Variants in TNRC6A observed in about 807,000 individuals in gnomAD.
TNRC6A encodes the protein trinucleotide repeat containing adaptor 6A, also known as trinucleotide repeat-containing gene 6A protein.
Under a neutral mutation model 221.2 loss-of-function variants are expected in TNRC6A, and 44 were observed. The ratio of observed to expected loss-of-function variants is 0.20; its 90% CI spans 0.16 to 0.26. The LOEUF (loss-of-function observed/expected upper bound fraction) is 0.26, where lower values mean the gene tolerates loss of function less well. TNRC6A is among the 10% of genes least tolerant of loss of function. TNRC6A has a pLI of 1.00. For missense variants in TNRC6A, 2,199 were observed against 2,404.4 expected (o/e 0.91, Z 1.79); for synonymous variants, 847 against 838.5 (o/e 1.01, Z -0.18).
intron 5 of TNRC6A, among the ~76,000 whole-genome samples, chr16:24,778,919 A>T (rs2057782359): frequency 6.6e-6 from 1 of 152,220 alleles, no homozygotes; most frequent in Non-Finnish European, 1.5e-5. Flanking sequence ...ACAACAGATG[A>T]TGGAGTACCT....
intron 14 of TNRC6A, 89 bp from the exon 15 acceptor site, chr16:24,805,516 C>G: frequency 6.5e-7 from 1 of 1,529,062 alleles, no homozygotes; most frequent in East Asian, 2.3e-5. Flanking sequence ...ACAAATTTAA[C>G]TGCTCTATTG....
chr16:24,804,930 G>A, intron 13 of TNRC6A, 79 bp downstream of exon 13: 1 of 1,613,376 alleles, frequency 6.2e-7, no homozygotes. Context: ...TGTAGTTACT[G>A]TGTTTAAATC....
At chr16:24,675,340 C>G (rs979286054) in intron 2 of TNRC6A, among the ~76,000 whole-genome samples, 7 of 152,124 alleles carry the variant, frequency 4.6e-5, no homozygotes, top group African/African-American at 1.7e-4. Flanking sequence ...CCTGAATTTC[C>G]TAAGATTTCA....
upstream of TNRC6A, among the ~76,000 whole-genome samples, chr16:24,729,072 C>G (rs1221670359): frequency 6.6e-6 from 1 of 151,964 alleles, no homozygotes; most frequent in Non-Finnish European, 1.5e-5. Flanking sequence ...GAATTATTTC[C>G]TGAGCAGAAA....
At chr16:24,708,634 T>A (rs1053026752) in intron 2 of TNRC6A, among the ~76,000 whole-genome samples, 1 of 152,102 alleles carries the variant, frequency 6.6e-6, no homozygotes, top group Non-Finnish European at 1.5e-5. Context: ...TGTAGTCTTT[T>A]GTCTCTCACC....
chr16:24,730,215 GT>G, intron 1 of TNRC6A, 37 bp from the exon 2 acceptor site: 1 of 1,583,806 alleles, frequency 6.3e-7, no homozygotes. Context: ...TTGTGTGTGT[GT>G]TTTTGTTTTG....
At chr16:24,645,493 A>AAAAAAAC (rs935399245) in intron 2 of TNRC6A, among the ~76,000 whole-genome samples, 2 of 151,860 alleles carry the variant, frequency 1.3e-5, no homozygotes, top group Non-Finnish European at 2.9e-5. Flanking sequence ...CTGTCTCAAA[A>AAAAAAAC]AAAAAACAAA....
chr16:24,723,154 G>A (rs1386020884), intron 2 of TNRC6A, among the ~76,000 whole-genome samples: 1 of 152,148 alleles, frequency 6.6e-6, no homozygotes, highest in Non-Finnish European at 1.5e-5. Context: ...CTTCATTACA[G>A]TATCAGATTT....
chr16:24,752,238 A>G (rs1389068658), intron 3 of TNRC6A, among the ~76,000 whole-genome samples: 2 of 152,222 alleles, frequency 1.3e-5, no homozygotes, highest in Non-Finnish European at 2.9e-5. Flanking sequence ...TAAAGGATAT[A>G]GAGGGAGAGT....
intron 2 of TNRC6A, among the ~76,000 whole-genome samples, chr16:24,692,722 T>G (rs757452018): frequency 6.6e-6 from 1 of 151,704 alleles, no homozygotes; most frequent in Non-Finnish European, 1.5e-5. Flanking sequence ...TAAAAAAAAA[T>G]TATATATATA....
At position 24,730,376 on chromosome 16, in the gene TNRC6A, G is replaced by C. The variant is rs1240968701; in HGVS notation, c.53+76G>C. ...TACTCCGATTCGCCTTTTCTGGGTT[G>C]AGAAGTTCCCCCGTGACATTTTCTT... On this transcript the variant is annotated intron_variant, in intron 2 of 24. Coordinates refer to ENST00000395799, the MANE Select transcript of TNRC6A (RefSeq NM_014494.4). 3.3e-6 allele frequency: 5 copies of C among 1,526,718 alleles called. No individual in the cohort carries two copies. In the African/African-American group the frequency reaches 7.1e-5, roughly 22 times the overall value. 94.6% of individuals were successfully genotyped at this position (1,526,718 alleles called of 1,614,324 possible).
chr16:24,741,130 G>GTGCA (rs2056882475), intron 2 of TNRC6A, among the ~76,000 whole-genome samples: 1 of 152,000 alleles, frequency 6.6e-6, no homozygotes, highest in South Asian at 2.1e-4. Flanking sequence ...TCCAATTTTC[G>GTGCA]TGCATGCTTA....
At chr16:24,727,979 C>T (rs2056521188), upstream of TNRC6A, among the ~76,000 whole-genome samples, 1 of 151,030 alleles carries the variant, frequency 6.6e-6, no homozygotes, top group Non-Finnish European at 1.5e-5. Flanking sequence ...AAGAAAAAAA[C>T]AGATACACTA....
chr16:24,630,085 A>AT (rs1325784521), intron 1 of TNRC6A, among the ~76,000 whole-genome samples: 1 of 152,198 alleles, frequency 6.6e-6, no homozygotes, highest in African/African-American at 2.4e-5. Context: ...TTAATTGTGA[A>AT]TATTAGAAGC....
intron 17 of TNRC6A, among the ~76,000 whole-genome samples, chr16:24,807,316 A>G (rs2058454679): frequency 6.6e-6 from 1 of 152,200 alleles, no homozygotes; most frequent in Non-Finnish European, 1.5e-5. Flanking sequence ...TCAAAATCAC[A>G]CTATTTCAAA....
At chr16:24,776,383 A>T (rs997062194) in intron 4 of TNRC6A, 1 of 985,250 alleles carries the variant, frequency 1.0e-6, no homozygotes, top group African/African-American at 1.7e-5. Flanking sequence ...TATGATTCAG[A>T]TATTACATTT....
chr16:24,823,492 T>C lies in TNRC6A; in HGVS notation c.5574T>C (p.Arg1858=). ...TTGCCAGTGAAGAGGAGATCAGTCGTTTCTTTGCACAAAGCCAGTCTCTGA... is the reference window on the plus strand; with the variant it reads ...TTGCCAGTGAAGAGGAGATCAGTCGCTTCTTTGCACAAAGCCAGTCTCTGA... ...AEFASEEEIS[R]FFAQSQSLTP... Residue 1858 remains arginine (R), a synonymous_variant, in exon 25 of 25, where the codon CGT becomes CGC. Coordinates refer to ENST00000395799, the MANE Select transcript of TNRC6A (RefSeq NM_014494.4). The surrounding 1 kb of genome is among the most constrained non-coding windows in gnomAD (Gnocchi z 4.3). 1 of 1,614,046 alleles carries C rather than the reference T, an allele frequency of 6.2e-7. No individual in the cohort carries two copies. The highest frequency in any genetic ancestry group is 8.5e-7 in the Non-Finnish European group (1 of 1,180,012).
intron 2 of TNRC6A, among the ~76,000 whole-genome samples, chr16:24,732,764 G>A (rs141857695): frequency 6.6e-6 from 1 of 152,288 alleles, no homozygotes; most frequent in African/African-American, 2.4e-5. Context: ...ATCCGCAGTA[G>A]CACTCCCCGT....
chr16:24,749,795 GACA>G (rs2057095551), intron 2 of TNRC6A, among the ~76,000 whole-genome samples: 1 of 152,186 alleles, frequency 6.6e-6, no homozygotes, highest in South Asian at 2.1e-4. Flanking sequence ...AGGTTCTGTT[GACA>G]ACTTTAACCA....
Sources: allele counts gnomAD v4.1 joint callset (sites outside exome capture counted in the v4.1 genomes callset), GRCh38; gene constraint gnomAD v4.1.1; non-coding constraint Gnocchi (gnomAD v3.1); transcripts MANE v1.5; gene names NCBI Gene and HGNC (gene_info 2026-07-23, HGNC 2026-07-21).